The following MAP3K19 variants were observed in gnomAD, a reference collection of about 807,000 sequenced individuals.
MAP3K19 encodes the protein mitogen-activated protein kinase kinase kinase 19.
In MAP3K19, 91 loss-of-function variants were observed where a neutral mutation model predicts 114.4. That is an observed-to-expected ratio of 0.80 (90% CI 0.67 to 0.95). MAP3K19 has a LOEUF of 0.95. Ranked by LOEUF, MAP3K19 falls within the 40% of genes least tolerant of loss-of-function variation. The probability of loss-of-function intolerance (pLI) is 0.00; values close to 1 mark genes in which losing one functional copy is unlikely to be tolerated. For synonymous variants in MAP3K19, 518 were observed against 530.5 expected (o/e 0.98, Z 0.32); for missense variants, 1,471 against 1,573.2 (o/e 0.94, Z 1.10).
intron 5 of MAP3K19, among the ~76,000 whole-genome samples, chr2:135,017,429 G>A (rs1687651618): frequency 6.6e-6 from 1 of 152,172 alleles, no homozygotes; most frequent in Admixed American, 6.5e-5. Context: ...TAAGCCTGCA[G>A]GTTGAGACCT....
rs555784547 is a variant in MAP3K19, at chr2:134,990,469, T to TG, written c.618+1067_618+1068insC. On this transcript the variant is annotated intron_variant, in intron 9 of 12. Transcript: ENST00000392915. ...ATGATTTTCTTTTTTTGTTTTTTTTTTTTGTTTGTTTGTTTGTTTTATTTT... is the reference window on the plus strand; with the variant it reads ...ATGATTTTCTTTTTTTGTTTTTTTTTGTTTGTTTGTTTGTTTGTTTTATTTT... Among the ~76,000 whole-genome samples the TG allele has an allele frequency of 3.0e-3, 463 of 151,838 alleles. 9 individuals are homozygous for TG. The South Asian group carries it at 0.047, about 15-fold the overall frequency.
At chr2:135,018,122 T>C (rs1277459890) in intron 5 of MAP3K19, among the ~76,000 whole-genome samples, 2 of 151,606 alleles carry the variant, frequency 1.3e-5, no homozygotes, top group African/African-American at 4.8e-5. Context: ...AGAAACCCCG[T>C]CTCTACTAAA....
chr2:135,021,962 T>C, intron 4 of MAP3K19, 132 bp from the exon 5 acceptor site: 2 of 538,934 alleles, frequency 3.7e-6, no homozygotes, highest in Non-Finnish European at 6.4e-6. Context: ...TCTGGGATCC[T>C]GATGAAGCTT....
At chr2:134,989,722 ATCTT>A (rs1379120704) in intron 9 of MAP3K19, among the ~76,000 whole-genome samples, 1 of 152,190 alleles carries the variant, frequency 6.6e-6, no homozygotes, top group Non-Finnish European at 1.5e-5. Flanking sequence ...AGCTAGGAAA[ATCTT>A]TCCACCACTG....
chr2:134,977,185 C>CT (rs113967823), intron 12 of MAP3K19, among the ~76,000 whole-genome samples: 8,236 of 141,606 alleles, frequency 0.058, 694 homozygotes, highest in East Asian at 0.38. Flanking sequence ...CCCCCACCCA[C>CT]TTTTTTTTTT....
chr2:135,011,177 C>T (rs1175623832), intron 5 of MAP3K19, among the ~76,000 whole-genome samples: 2 of 152,186 alleles, frequency 1.3e-5, no homozygotes, highest in African/African-American at 4.8e-5. Context: ...AAGTCCATTT[C>T]TCCCTCAAAA....
chr2:134,965,674 T>C (rs572295812), intron 12 of MAP3K19, among the ~76,000 whole-genome samples: 25 of 152,326 alleles, frequency 1.6e-4, no homozygotes, highest in African/African-American at 6.0e-4. Flanking sequence ...ACCCGCTACA[T>C]TGTGCAACCA....
At position 134,987,109 on chromosome 2, in the gene MAP3K19, G is replaced by C. The variant is rs1489418954; in HGVS notation, c.1763C>G (p.Pro588Arg). The C allele has an allele frequency of 1.2e-6, 2 of 1,613,444 alleles. No individual in the cohort carries two copies. The highest frequency in any genetic ancestry group is 1.7e-6 in the Non-Finnish European group (2 of 1,180,012). The stretch of plus-strand genomic sequence containing the variant: ...CTGTGGCATTTTCTTTTGAAACCTG[G>C]GCAATTGCCAAGGCCTGGGGTCCAC... Reference protein sequence around the residue: ...GLVDPRPWQLPRFQKKMPQIA... With the variant: ...GLVDPRPWQLRRFQKKMPQIA... Residue 588 changes from proline (P) to arginine (R), a missense_variant, in exon 10 of 13, where the codon CCC becomes CGC. Physicochemically the swap from Pro to Arg is moderately radical, Grantham distance 103. Coordinates refer to ENST00000392915, the MANE Select transcript of MAP3K19 (RefSeq NM_025052.5).
chr2:135,025,035 A>C (rs2105379619), intron 3 of MAP3K19, among the ~76,000 whole-genome samples: 1 of 152,282 alleles, frequency 6.6e-6, no homozygotes, highest in African/African-American at 2.4e-5. Context: ...AGGGTACATA[A>C]AATCAAGTAA....
At chr2:135,024,563 A>T in intron 4 of MAP3K19, 63 bp downstream of exon 4, 1 of 1,428,738 alleles carries the variant, frequency 7.0e-7, no homozygotes, top group Non-Finnish European at 9.9e-7. Flanking sequence ...ATGTAGAAAA[A>T]GAAAGAGATC....
intron 2 of MAP3K19, among the ~76,000 whole-genome samples, chr2:135,034,678 C>G (rs1053648622): frequency 7.1e-6 from 1 of 141,460 alleles, no homozygotes. Flanking sequence ...CGTGGTGGCG[C>G]GCTACAGGCA....
At chr2:134,966,219 ATT>A (rs1179143431) in intron 12 of MAP3K19, among the ~76,000 whole-genome samples, 2 of 152,164 alleles carry the variant, frequency 1.3e-5, no homozygotes, top group African/African-American at 4.8e-5. Context: ...AGAGATAATG[ATT>A]TTCTTTCCTT....
intron 2 of MAP3K19, among the ~76,000 whole-genome samples, chr2:135,034,810 C>T (rs1431474138): frequency 4.6e-5 from 3 of 65,330 alleles, no homozygotes; most frequent in African/African-American, 1.3e-4. Context: ...AGGGGGAGAC[C>T]GTGGGCTGTG....
chr2:135,045,549 CAAGA>C (rs1688726075), intron 1 of MAP3K19, among the ~76,000 whole-genome samples: 1 of 152,058 alleles, frequency 6.6e-6, no homozygotes, highest in African/African-American at 2.4e-5. Flanking sequence ...AACAACTAGG[CAAGA>C]AATAGATATT....
chr2:135,027,614 A>C (rs1237939087), intron 3 of MAP3K19, among the ~76,000 whole-genome samples: 1 of 152,230 alleles, frequency 6.6e-6, no homozygotes, highest in Non-Finnish European at 1.5e-5. Flanking sequence ...AAACAGGTCC[A>C]CATCTCTCAC....
intron 10 of MAP3K19, among the ~76,000 whole-genome samples, chr2:134,984,475 C>T (rs1242717796): frequency 6.6e-6 from 1 of 151,974 alleles, no homozygotes; most frequent in Non-Finnish European, 1.5e-5. Flanking sequence ...GAACTCTGAC[C>T]TACAATGTGC....
At chr2:135,031,006 A>G (rs1403886609) in intron 2 of MAP3K19, among the ~76,000 whole-genome samples, 1 of 152,192 alleles carries the variant, frequency 6.6e-6, no homozygotes, top group Non-Finnish European at 1.5e-5. Flanking sequence ...AAGTGTTTCT[A>G]GAAAGAGAGT....
intron 11 of MAP3K19, among the ~76,000 whole-genome samples, chr2:134,982,553 A>G (rs1182178155): frequency 6.6e-6 from 1 of 151,254 alleles, no homozygotes; most frequent in African/African-American, 2.4e-5. Flanking sequence ...GTTTTACCAT[A>G]TGGCCAGTCT....
Position 135,046,318 on chromosome 2 carries a change from C to A in MAP3K19, c.-424+867G>T, listed in dbSNP as rs1398524646. Among the ~76,000 whole-genome samples, 3 of 152,008 alleles carry A rather than the reference C, an allele frequency of 2.0e-5. No individual in the cohort carries two copies. In the East Asian group the frequency reaches 5.8e-4, roughly 29 times the overall value. ...GTTGTTACAGAGTCTCCCTCTATCG[C>A]CCAGACTGGAGTACAGTGGCACAAT... On this transcript the variant is annotated intron_variant, in intron 1 of 12. Coordinates refer to ENST00000392915, the MANE Select transcript of MAP3K19 (RefSeq NM_025052.5).
Sources: gnomAD v4.1 joint callset for allele counts (sites outside exome capture counted in the v4.1 genomes callset) on GRCh38, gnomAD v4.1.1 for gene constraint, MANE v1.5 for transcripts, NCBI Gene and HGNC (gene_info 2026-07-23, HGNC 2026-07-21) for gene names.